The following ITSN2 variants were observed in gnomAD, a reference collection of about 807,000 sequenced individuals.
ITSN2 encodes intersectin 2, also known as intersectin-2.
A neutral mutation model predicts 243.7 loss-of-function variants in ITSN2; 156 were observed. The ratio of observed to expected loss-of-function variants is 0.64; its 90% CI spans 0.56 to 0.73. The LOEUF (loss-of-function observed/expected upper bound fraction) is 0.73, where lower values mean the gene tolerates loss of function less well. Ranked by LOEUF, ITSN2 falls within the 30% of genes least tolerant of loss-of-function variation. The pLI is 0.00. For synonymous variants in ITSN2, 703 were observed against 699.9 expected, an observed-to-expected ratio of 1.00 and a Z score of -0.07; for missense variants, 1,801 against 1,996.1, an observed-to-expected ratio of 0.90 and a Z score of 1.86.
intron 18 of ITSN2, among the ~76,000 whole-genome samples, chr2:24,274,852 A>AAT (rs1677825814): frequency 2.0e-5 from 3 of 152,240 alleles, no homozygotes; most frequent in Non-Finnish European, 4.4e-5. Flanking sequence ...ATACTGGTTC[A>AAT]TCCATATTTG....
At chr2:24,333,127 G>A (rs1025304168) in intron 1 of ITSN2, among the ~76,000 whole-genome samples, 9 of 152,220 alleles carry the variant, frequency 5.9e-5, no homozygotes, top group African/African-American at 2.2e-4. Flanking sequence ...CATGAAGCCA[G>A]AATGCAATCC....
Position 24,251,385 on chromosome 2 carries a change from GTATATATATGTGTA to G in ITSN2, c.3120+946_3120+959del, listed in dbSNP as rs1180045030. Among the ~76,000 whole-genome samples, 11 of 3,724 alleles carry G rather than the reference GTATATATATGTGTA, an allele frequency of 3.0e-3. 5 individuals carry two copies. The East Asian group carries it at 0.2, about 67-fold the overall frequency. The allele number at this position is 3,724 out of a possible 152,430, so 2.4% of individuals were successfully genotyped here. ...TGTGTGTGTGTGTATATATGTATGT[GTATATATATGTGTA>G]TATATATATGTGTGTATATATATGT... On this transcript the variant is annotated intron_variant, in intron 25 of 39. Coordinates refer to ENST00000355123, the MANE Select transcript of ITSN2 (RefSeq NM_006277.3).
chr2:24,211,085 A>C lies in ITSN2; in HGVS notation c.4090-138T>G. ...GAAACGCGGCGGTGAACAAGACGAC[A>C]CTTTCCGCCCTTGAGAAACTCGTAC... On this transcript the variant is annotated intron_variant, in intron 33 of 39. Coordinates refer to ENST00000355123, the MANE Select transcript of ITSN2 (RefSeq NM_006277.3). The surrounding 1 kb of genome is among the most constrained non-coding windows in gnomAD (Gnocchi z 4.1). 1.4e-6 allele frequency: 1 copy of C among 739,076 alleles called. No homozygotes were observed. The highest frequency in any genetic ancestry group is 1.8e-5 in the South Asian group (1 of 54,690). The allele number at this position is 739,076 out of a possible 1,614,324, so 45.8% of individuals were successfully genotyped here.
intron 15 of ITSN2, 80 bp from the exon 16 acceptor site, chr2:24,286,431 G>T (rs1325148422): frequency 4.1e-6 from 5 of 1,223,006 alleles, no homozygotes; most frequent in Non-Finnish European, 6.0e-6. Context: ...TGTTTGGTCA[G>T]ATTGATGTAA....
At chr2:24,313,421 T>TA in intron 4 of ITSN2, 39 bp downstream of exon 4, 1 of 1,552,492 alleles carries the variant, frequency 6.4e-7, no homozygotes, top group Non-Finnish European at 8.8e-7. Context: ...AAAAACAAAA[T>TA]ACTATCAGAA....
chr2:24,251,328 A>AAAAAAAAAAAAAAAAAAT (rs1358585681), intron 25 of ITSN2, among the ~76,000 whole-genome samples: 2 of 6,990 alleles, frequency 2.9e-4, no homozygotes, highest in African/African-American at 9.0e-4. Context: ...AAAAAAATAA[A>AAAAAAAAAAAAAAAAAAT]ATATATATAT....
chr2:24,288,050 C>T (rs1679736833), intron 15 of ITSN2, among the ~76,000 whole-genome samples: 1 of 151,946 alleles, frequency 6.6e-6, no homozygotes, highest in Non-Finnish European at 1.5e-5. Context: ...TGAAGTCCCA[C>T]TTGTTTATTT....
intron 29 of ITSN2, among the ~76,000 whole-genome samples, chr2:24,230,320 C>T (rs1457909510): frequency 6.6e-6 from 1 of 152,178 alleles, no homozygotes; most frequent in Non-Finnish European, 1.5e-5. Flanking sequence ...TCACACGTCC[C>T]CCATGGCTGT....
intron 29 of ITSN2, among the ~76,000 whole-genome samples, chr2:24,231,903 A>C (rs1459864699): frequency 6.6e-6 from 1 of 152,210 alleles, no homozygotes; most frequent in Non-Finnish European, 1.5e-5. Context: ...ACTGTAGTTA[A>C]GCTCAGTGAA....
At chr2:24,291,258 T>A (rs541008537) in intron 15 of ITSN2, among the ~76,000 whole-genome samples, 31 of 152,082 alleles carry the variant, frequency 2.0e-4, no homozygotes, top group Admixed American at 1.2e-3. Flanking sequence ...ACCTTCCGAG[T>A]AGCTGAGACC....
chr2:24,312,352 T>C lies in ITSN2; in HGVS notation c.212A>G (p.Asp71Gly). ...EIWALSDLNK[D>G]GKMDQQEFSI... is the part of the protein sequence containing the mutation. ...GAACTCTTGCTGATCCATCTTCCCA[T>C]CCTTGTTTAGGTCTGATAAAGCCCT... is the stretch of plus-strand genomic sequence containing the variant. Residue 71 changes from aspartate (D) to glycine (G), a missense_variant, in exon 5 of 40, where the codon GAT (aspartate) becomes GGT (glycine). By Grantham distance (94) the Asp-to-Gly change is moderately conservative. Coordinates refer to ENST00000355123, the MANE Select transcript of ITSN2 (RefSeq NM_006277.3). The C allele has an allele frequency of 1.2e-6, 2 of 1,611,748 alleles. No homozygotes were observed. Among genetic ancestry groups the C allele is most frequent in the Non-Finnish European group, 1.7e-6 (2 of 1,178,720 alleles).
chr2:24,271,851 T>G lies in ITSN2; in HGVS notation c.2172A>C (p.Thr724=). ...EKQKRLQEEK[T]QEKIQEEERK... Reference sequence around the variant, plus strand: ...GTTCCTCTTCTTGAATTTTTTCTTGTGTTTTTTCTTCCTGGAGTCGCTTTT... The same window carrying G: ...GTTCCTCTTCTTGAATTTTTTCTTGGGTTTTTTCTTCCTGGAGTCGCTTTT... Residue 724 remains threonine (T), a synonymous_variant, in exon 19 of 40, where the codon ACA becomes ACC. Transcript: ENST00000355123. 6.2e-7 allele frequency: 1 copy of G among 1,610,882 alleles called. No homozygotes were observed. Among genetic ancestry groups the G allele is most frequent in the Non-Finnish European group, 8.5e-7 (1 of 1,179,380 alleles).
intron 25 of ITSN2, among the ~76,000 whole-genome samples, chr2:24,250,240 C>T (rs1673920503): frequency 6.6e-6 from 1 of 152,168 alleles, no homozygotes; most frequent in Non-Finnish European, 1.5e-5. Flanking sequence ...CATGGAACAA[C>T]ATTTTTACTT....
At chr2:24,310,451 T>C (rs757401127) in intron 6 of ITSN2, 38 bp downstream of exon 6, 2 of 1,608,808 alleles carry the variant, frequency 1.2e-6, no homozygotes, top group East Asian at 2.2e-5. Context: ...TTTCTTTCTT[T>C]ACATGAAATA....
chr2:24,223,712 A>T (rs1375310635), intron 29 of ITSN2, among the ~76,000 whole-genome samples: 1 of 147,444 alleles, frequency 6.8e-6, no homozygotes, highest in Non-Finnish European at 1.5e-5. Context: ...AAAAGAAAGG[A>T]ACAGGGAGAA....
intron 29 of ITSN2, among the ~76,000 whole-genome samples, chr2:24,231,932 G>C (rs1671660101): frequency 6.6e-6 from 1 of 152,206 alleles, no homozygotes; most frequent in Admixed American, 6.5e-5. Context: ...ATTTTTAACA[G>C]TAAATCTAGA....
At chr2:24,255,732 G>A (rs893941629) in intron 23 of ITSN2, among the ~76,000 whole-genome samples, 2 of 152,122 alleles carry the variant, frequency 1.3e-5, no homozygotes, top group African/African-American at 4.8e-5. Flanking sequence ...TTCGAGACCA[G>A]CCTGGCCAAC....
chr2:24,333,256 C>G (rs2551126), intron 1 of ITSN2, among the ~76,000 whole-genome samples: 149,143 of 152,330 alleles, frequency 0.98, 73,009 homozygotes, highest in East Asian at 0.99. Context: ...TTACTGTTAG[C>G]ACATTTGTCC....
chr2:24,240,423 C>T (rs1672590290), intron 29 of ITSN2: 1 of 152,100 alleles, frequency 6.6e-6, no homozygotes, highest in Non-Finnish European at 1.5e-5. Flanking sequence ...ATGCCAAATG[C>T]TAAAAATAGA....
Sources: gnomAD v4.1 joint callset for allele counts (sites outside exome capture counted in the v4.1 genomes callset) on GRCh38, gnomAD v4.1.1 for gene constraint, Gnocchi (gnomAD v3.1) non-coding constraint, MANE v1.5 for transcripts, NCBI Gene and HGNC (gene_info 2026-07-23, HGNC 2026-07-21) for gene names.